Variants in PCA3 observed in about 807,000 individuals in gnomAD.
PCA3 encodes the protein Differential Display code 3.
intron 2 of PCA3, among the ~76,000 whole-genome samples, chr9:76,767,086 A>T (rs149901244): frequency 6.6e-6 from 1 of 152,180 alleles, no homozygotes; most frequent in Non-Finnish European, 1.5e-5. Context: ...TGATGAATAA[A>T]TATCTGTTTA....
chr9:76,777,740 G>A (rs188413748), intron 2 of PCA3, among the ~76,000 whole-genome samples: 21 of 152,248 alleles, frequency 1.4e-4, no homozygotes, highest in African/African-American at 5.1e-4. Flanking sequence ...AACAGGATAA[G>A]GTGGATAGAG....
At chr9:76,768,597 G>GTC (rs2052723535) in intron 2 of PCA3, among the ~76,000 whole-genome samples, 1 of 148,516 alleles carries the variant, frequency 6.7e-6, no homozygotes, top group African/African-American at 2.6e-5. Flanking sequence ...GTGTGTGTGT[G>GTC]TGTGTGTGTG....
intron 2 of PCA3, among the ~76,000 whole-genome samples, chr9:76,772,339 AT>A (rs1019597175): frequency 1.8e-4 from 27 of 151,876 alleles, no homozygotes; most frequent in South Asian, 6.2e-4. Flanking sequence ...ATTTATTTTA[AT>A]TTTTTTTTTA....
At chr9:76,766,039 C>T (rs1051598471) in intron 2 of PCA3, among the ~76,000 whole-genome samples, 5 of 151,732 alleles carry the variant, frequency 3.3e-5, no homozygotes, top group African/African-American at 7.3e-5. Context: ...AAAAAATAGC[C>T]GCGCGTGGTG....
intron 2 of PCA3, among the ~76,000 whole-genome samples, chr9:76,765,781 G>A (rs2052297175): frequency 6.6e-6 from 1 of 152,178 alleles, no homozygotes; most frequent in Non-Finnish European, 1.5e-5. Flanking sequence ...GTCCAAACCA[G>A]TGCTTTTCTG....
At chr9:76,774,287 C>A (rs1288119960) in intron 2 of PCA3, among the ~76,000 whole-genome samples, 1 of 151,646 alleles carries the variant, frequency 6.6e-6, no homozygotes, top group Non-Finnish European at 1.5e-5. Context: ...AGGTGTGCAC[C>A]ACCATGCCCA....
At chr9:76,771,410 C>T (rs920435319) in intron 2 of PCA3, among the ~76,000 whole-genome samples, 1 of 152,140 alleles carries the variant, frequency 6.6e-6, no homozygotes, top group Non-Finnish European at 1.5e-5. Flanking sequence ...ATAAGTCCTA[C>T]TATATGCTGG....
chr9:76,765,114 G>A (rs762957239), intron 2 of PCA3, among the ~76,000 whole-genome samples: 4 of 152,168 alleles, frequency 2.6e-5, no homozygotes, highest in Non-Finnish European at 4.4e-5. Flanking sequence ...ATTTGTTGGG[G>A]GCGTGACATT....
intron 2 of PCA3, among the ~76,000 whole-genome samples, chr9:76,767,287 A>G (rs1436472208): frequency 6.6e-6 from 1 of 152,040 alleles, no homozygotes; most frequent in Non-Finnish European, 1.5e-5. Context: ...CCTCGTCTCT[A>G]CTAAAAATAC....
At chr9:76,774,465 T>TATTTATTTA (rs761395945) in intron 2 of PCA3, among the ~76,000 whole-genome samples, 30,810 of 136,848 alleles carry the variant, frequency 0.23, 4,488 homozygotes, top group East Asian at 0.39. Flanking sequence ...TTTTTTTTTT[T>TATTTATTTA]TTTTTTTTTT....
intron 2 of PCA3, chr9:76,782,682 ATACT>A (rs2054548010): frequency 6.6e-6 from 1 of 152,224 alleles, no homozygotes; most frequent in African/African-American, 2.4e-5. Context: ...TACAACACAT[ATACT>A]TAGTGTTTCA....
At chr9:76,781,157 C>T (rs1383323851) in intron 2 of PCA3, among the ~76,000 whole-genome samples, 1 of 152,186 alleles carries the variant, frequency 6.6e-6, no homozygotes, top group Non-Finnish European at 1.5e-5. Flanking sequence ...CTCCCATGGT[C>T]TATGAAGGCA....
At chr9:76,778,432 T>G (rs1210945473) in intron 2 of PCA3, 1 of 152,244 alleles carries the variant, frequency 6.6e-6, no homozygotes, top group Non-Finnish European at 1.5e-5. Context: ...AGGCACTGGA[T>G]GCCTGATGAT....
chr9:76,770,174 T>C (rs1023834459), intron 2 of PCA3, among the ~76,000 whole-genome samples: 2 of 152,182 alleles, frequency 1.3e-5, no homozygotes, highest in African/African-American at 4.8e-5. Flanking sequence ...ATAGTAAAAC[T>C]TTTTGACTTC....
At chr9:76,783,797 C>T (rs1184336173) in intron 2 of PCA3, 1 of 152,132 alleles carries the variant, frequency 6.6e-6, no homozygotes, top group Non-Finnish European at 1.5e-5. Context: ...AGCAAGATGA[C>T]AATATAATGT....
At position 76,765,488 on chromosome 9, in the gene PCA3, T is replaced by C. The variant is rs79201874; in HGVS notation, n.852+28873T>C. 9.2e-4 allele frequency among the ~76,000 whole-genome samples: 140 copies of C among 152,330 alleles called. 1 individual carries two copies. In the East Asian group the frequency reaches 0.022, roughly 24 times the overall value. ...ACTGAGGTAAGGAAGGCATACAGAA[T>C]AGAGACAGGCACTATAAACAGCTCT... On this transcript the variant is annotated intron_variant and non_coding_transcript_variant, in intron 2 of 5. Coordinates refer to ENST00000644657, the Ensembl canonical transcript of PCA3.
chr9:76,776,291 C>T (rs2053727465), intron 2 of PCA3, among the ~76,000 whole-genome samples: 1 of 152,092 alleles, frequency 6.6e-6, no homozygotes, highest in South Asian at 2.1e-4. Context: ...CACCCTCCCG[C>T]CTTCCCACCT....
intron 2 of PCA3, among the ~76,000 whole-genome samples, chr9:76,775,581 G>A (rs75444625): frequency 0.028 from 4,330 of 152,224 alleles, 85 homozygotes; most frequent in African/African-American, 0.038. Flanking sequence ...GATTACAGGT[G>A]TGAGCTACTC....
At chr9:76,777,185 G>A (rs1292625545) in intron 2 of PCA3, among the ~76,000 whole-genome samples, 1 of 152,176 alleles carries the variant, frequency 6.6e-6, no homozygotes, top group Non-Finnish European at 1.5e-5. Flanking sequence ...CCCAAAGCAT[G>A]TGAAACTGCT....
Sources: gnomAD v4.1 joint callset for allele counts (sites outside exome capture counted in the v4.1 genomes callset) on GRCh38, gnomAD v4.1.1 for gene constraint, MANE v1.5 for transcripts, NCBI Gene and HGNC (gene_info 2026-07-23, HGNC 2026-07-21) for gene names.